SHC3: variants seen among roughly 807,000 people sequenced by gnomAD.
SHC3 encodes SHC-transforming protein 3.
SHC3 carries 15 observed loss-of-function variants against 60.4 expected under a neutral mutation model. The observed-to-expected ratio is 0.25, with a 90% CI of 0.17 to 0.38. SHC3 has a LOEUF of 0.38. SHC3 is among the 10% of genes least tolerant of loss of function. SHC3 has a pLI of 1.00. For missense variants in SHC3, 677 were observed against 786.1 expected, an observed-to-expected ratio of 0.86 and a Z score of 1.66; for synonymous variants, 294 against 325.9, an observed-to-expected ratio of 0.90 and a Z score of 1.05.
intron 1 of SHC3, among the ~76,000 whole-genome samples, chr9:89,131,746 A>G (rs916921956): frequency 2.1e-4 from 32 of 152,358 alleles, no homozygotes; most frequent in African/African-American, 7.7e-4. Context: ...CTAGGTATTG[A>G]TGGGACATAC....
In SHC3 at chr9:89,010,860, A is replaced by G. The variant is rs1367595487; in HGVS notation, c.*2587T>C. On this transcript the variant is annotated 3_prime_UTR_variant, in exon 12 of 12. Transcript: ENST00000375835. Reference sequence around the variant, plus strand: ...GGCTGGCACACAGCAGGGCTCACGAAATGCTGAGTGAGCAGAAGAGCTCTG... The same window carrying G: ...GGCTGGCACACAGCAGGGCTCACGAGATGCTGAGTGAGCAGAAGAGCTCTG... The G allele has an allele frequency of 1.3e-5, 2 of 152,254 alleles. No homozygotes were observed. The highest frequency in any genetic ancestry group is 2.9e-5 in the Non-Finnish European group (2 of 68,070). The allele number at this position is 152,254 out of a possible 1,614,324, so 9.4% of individuals were successfully genotyped here.
rs1824617124 is a variant in SHC3, at chr9:89,038,257, G to A, written c.1392C>T (p.Pro464=). 6.2e-7 allele frequency: 1 copy of A among 1,613,212 alleles called. No individual in the cohort carries two copies. The highest frequency in any genetic ancestry group is 8.5e-7 in the Non-Finnish European group (1 of 1,179,822). Residue 464 remains proline, a synonymous_variant, in exon 11 of 12, where the codon CCC becomes CCT. Coordinates refer to ENST00000375835, the MANE Select transcript of SHC3 (RefSeq NM_016848.6). ...CTGCCTTGCTTAACACGGGCCCCAAGGGCTGGTTCTTGAGAGCATCTTCAA... is the reference window on the plus strand; with the variant it reads ...CTGCCTTGCTTAACACGGGCCCCAAAGGCTGGTTCTTGAGAGCATCTTCAA... ...KPFEDALKNQ[P]LGPVLSKAAS...
At chr9:89,103,646 A>G (rs1825815358) in intron 2 of SHC3, among the ~76,000 whole-genome samples, 1 of 152,222 alleles carries the variant, frequency 6.6e-6, no homozygotes, top group Admixed American at 6.5e-5. Flanking sequence ...TAAAAATGAG[A>G]ATATCAGTAT....
intron 9 of SHC3, among the ~76,000 whole-genome samples, chr9:89,044,213 A>T (rs1202544398): frequency 6.6e-6 from 1 of 152,236 alleles, no homozygotes; most frequent in Non-Finnish European, 1.5e-5. Flanking sequence ...ATGCATTTTA[A>T]ATGTGTGTAG....
At chr9:89,090,137 G>A (rs1457958764) in intron 2 of SHC3, among the ~76,000 whole-genome samples, 1 of 152,106 alleles carries the variant, frequency 6.6e-6, no homozygotes, top group East Asian at 1.9e-4. Context: ...TTACTCCAAG[G>A]TGGAGATAAA....
chr9:89,106,520 C>G (rs2118096039), intron 2 of SHC3, among the ~76,000 whole-genome samples: 1 of 152,290 alleles, frequency 6.6e-6, no homozygotes, highest in East Asian at 1.9e-4. Context: ...CCTGGAGGAG[C>G]AGGGGACTGT....
chr9:89,029,306 A>G (rs932820078), intron 11 of SHC3, among the ~76,000 whole-genome samples: 7 of 152,054 alleles, frequency 4.6e-5, no homozygotes, highest in African/African-American at 1.7e-4. Flanking sequence ...AGAACAATGA[A>G]TAGAAAAAGA....
chr9:89,075,458 T>G (rs142115388), intron 3 of SHC3, among the ~76,000 whole-genome samples: 26 of 152,254 alleles, frequency 1.7e-4, no homozygotes, highest in African/African-American at 5.8e-4. Context: ...AATGCTGAGG[T>G]GAAAACTCTT....
Position 89,052,108 on chromosome 9 carries a change from G to C in SHC3, c.891C>G (p.Ile297Met). 1 of 1,614,116 alleles carries C rather than the reference G, an allele frequency of 6.2e-7. No individual in the cohort carries two copies. The highest frequency in any genetic ancestry group is 1.1e-5 in the South Asian group (1 of 91,078). Residue 297 changes from isoleucine (I) to methionine (M), a missense_variant, in exon 7 of 12, where the codon ATC becomes ATG. Coordinates refer to ENST00000375835, the MANE Select transcript of SHC3 (RefSeq NM_016848.6). ...TAAACCGGAGCTCAAAGGCTTGTCC[G>C]ATGGAGCCGATGACATCCTGGGCCA... ...DGLAQDVIGS[I>M]GQAFELRFKQ...
chr9:89,178,361 C>T lies in SHC3; in HGVS notation c.100G>A (p.Val34Ile). 6.3e-7 allele frequency: 1 copy of T among 1,593,148 alleles called. No individual in the cohort carries two copies. The highest frequency in any genetic ancestry group is 8.5e-7 in the Non-Finnish European group (1 of 1,171,708). The change falls in exon 1 of 12, where the codon GTT (valine) becomes ATT (isoleucine). Residue 34 changes from valine to isoleucine, a missense_variant. Val to Ile is a conservative substitution (Grantham distance 29, BLOSUM62 3). Transcript: ENST00000375835. This position sits in a 1 kb window ranked among gnomAD's most constrained non-coding sequence, Gnocchi z 6.9. ...SLSVSGGGGKVSAARATPAAA... is the reference protein window; with the variant it reads ...SLSVSGGGGKISAARATPAAA... ...GCCGGGGTCGCGCGCGCCGCCGAAA[C>T]CTTGCCTCCGCCGCCGCTCACCGAC...
intron 2 of SHC3, among the ~76,000 whole-genome samples, chr9:89,111,381 T>A (rs1217848660): frequency 6.6e-6 from 1 of 152,078 alleles, no homozygotes; most frequent in African/African-American, 2.4e-5. Flanking sequence ...TTTTCATGGG[T>A]AAGGTGAATA....
chr9:89,067,849 A>G (rs768236836), intron 5 of SHC3, among the ~76,000 whole-genome samples: 1 of 152,214 alleles, frequency 6.6e-6, no homozygotes, highest in Non-Finnish European at 1.5e-5. Context: ...AAGTAGGGGG[A>G]GAGTTAAATA....
At chr9:89,132,760 A>C (rs1826265945) in intron 1 of SHC3, among the ~76,000 whole-genome samples, 1 of 152,264 alleles carries the variant, frequency 6.6e-6, no homozygotes, top group Admixed American at 6.5e-5. Context: ...AAATTAATTC[A>C]AGATGGATTA....
intron 11 of SHC3, among the ~76,000 whole-genome samples, chr9:89,036,062 G>A (rs1185578479): frequency 6.6e-6 from 1 of 151,990 alleles, no homozygotes; most frequent in Middle Eastern, 3.4e-3. Context: ...AGCACAAAGG[G>A]GGAAACCTGA....
Position 89,038,137 on chromosome 9 carries a change from C to T in SHC3, c.1512G>A (p.Met504Ile), listed in dbSNP as rs747025905. The change falls in exon 11 of 12, where the codon ATG becomes ATA. Residue 504 changes from methionine (M) to isoleucine (I), a missense_variant. Coordinates refer to ENST00000375835, the MANE Select transcript of SHC3 (RefSeq NM_016848.6). ...GCAGCCCCTCTGCCTCCTTCCTGCT[C>T]ATCTCTCCTTGGTACCAAGTCTCGG... Reference protein sequence around the residue: ...LQAETWYQGEMSRKEAEGLLE... With the variant: ...LQAETWYQGEISRKEAEGLLE... 6.2e-7 allele frequency: 1 copy of T among 1,614,108 alleles called. No homozygotes were observed. The highest frequency in any genetic ancestry group is 1.1e-5 in the South Asian group (1 of 91,082).
At position 89,059,131 on chromosome 9, in the gene SHC3, G is replaced by A. The variant is rs368258753; in HGVS notation, c.835+6398C>T. Among the ~76,000 whole-genome samples, 166 of 137,178 alleles carry A rather than the reference G, an allele frequency of 1.2e-3. 2 individuals carry two copies. Among genetic ancestry groups the A allele is most frequent in the African/African-American group, 4.0e-3 (148 of 36,658 alleles). The allele number at this position is 137,178 out of a possible 152,430, so 90.0% of individuals were successfully genotyped here. A position where few individuals can be genotyped will look rare whatever the true frequency, so the allele number is the denominator to read the frequency against. On this transcript the variant is annotated intron_variant, in intron 6 of 11. Coordinates refer to ENST00000375835, the MANE Select transcript of SHC3 (RefSeq NM_016848.6). ...GGTGGTGGAGGATGTGGTGGAGGACGGTGGTGGAGGATGTGGTGGAGGATG... is the reference window on the plus strand; with the variant it reads ...GGTGGTGGAGGATGTGGTGGAGGACAGTGGTGGAGGATGTGGTGGAGGATG...
In SHC3 at chr9:89,046,873, G is replaced by A; in HGVS notation, c.1084C>T (p.Pro362Ser). Residue 362 changes from proline to serine, a missense_variant, in exon 8 of 12, where the codon CCC becomes TCC. By Grantham distance (74) the Pro-to-Ser change is moderately conservative (BLOSUM62 -1). Coordinates refer to ENST00000375835, the MANE Select transcript of SHC3 (RefSeq NM_016848.6). The part of the protein sequence containing the change: ...PGGFLDTRLK[P>S]RPHAPDTAQF... ...GCTGTGTCAGGAGCATGGGGTCTGG[G>A]TTTCAGTCTAGTATCAAGAAAGCCC... is the stretch of plus-strand genomic sequence containing the variant. 6.2e-7 allele frequency: 1 copy of A among 1,607,378 alleles called. No individual in the cohort carries two copies. Among genetic ancestry groups the A allele is most frequent in the South Asian group, 1.1e-5 (1 of 89,060 alleles).
chr9:89,047,975 G>T (rs1824800246), intron 7 of SHC3, among the ~76,000 whole-genome samples: 1 of 152,238 alleles, frequency 6.6e-6, no homozygotes, highest in South Asian at 2.1e-4. Flanking sequence ...GCCGGGCGCA[G>T]TGGCTGATGC....
intron 1 of SHC3, among the ~76,000 whole-genome samples, chr9:89,158,583 T>C (rs1826660949): frequency 6.6e-6 from 1 of 152,216 alleles, no homozygotes; most frequent in South Asian, 2.1e-4. Context: ...ATTTTCTGTC[T>C]AGTAGTTCCA....
Sources: allele counts gnomAD v4.1 joint callset (sites outside exome capture counted in the v4.1 genomes callset), GRCh38; gene constraint gnomAD v4.1.1; non-coding constraint Gnocchi (gnomAD v3.1); transcripts MANE v1.5; gene names NCBI Gene and HGNC (gene_info 2026-07-23, HGNC 2026-07-21).